The following WDR27 variants were observed in gnomAD, a reference collection of about 807,000 sequenced individuals.
WDR27 encodes the protein WD repeat domain 27.
WDR27 carries 100 observed loss-of-function variants against 114.4 expected under a neutral mutation model. The observed-to-expected ratio is 0.87, with a 90% CI of 0.74 to 1.03. The LOEUF (loss-of-function observed/expected upper bound fraction) is 1.03. Among genes scored for constraint, WDR27 ranks in the 50% least tolerant of loss-of-function variants. The probability of loss-of-function intolerance (pLI) is 0.00; values close to 1 mark genes in which losing one functional copy is unlikely to be tolerated. For missense variants in WDR27, 1,129 were observed against 1,092.9 expected (o/e 1.03, Z -0.47); for synonymous variants, 449 against 423.1 (o/e 1.06, Z -0.75).
In WDR27 at chr6:169,545,642, C is replaced by T. The variant is rs1004129289; in HGVS notation, c.2645+26777G>A. 2.6e-5 allele frequency among the ~76,000 whole-genome samples: 4 copies of T among 152,092 alleles called. No individual in the cohort carries two copies. The South Asian group carries it at 6.2e-4, about 24-fold the overall frequency. ...GCAGTGAGCTGAGATTGTGCCACTG[C>T]GCTCCAGCCTTGGTGACAGAGTGAG... On this transcript the variant is annotated intron_variant, in intron 25 of 25. Coordinates refer to ENST00000448612, the MANE Select transcript of WDR27 (RefSeq NM_182552.5).
At chr6:169,604,166 GAA>G (rs1439171730) in intron 22 of WDR27, among the ~76,000 whole-genome samples, 2 of 152,028 alleles carry the variant, frequency 1.3e-5, no homozygotes, top group Admixed American at 6.5e-5. Context: ...TCAACAAAAT[GAA>G]AAGTCAGTTA....
chr6:169,697,176 T>C (rs1038708904), intron 1 of WDR27, among the ~76,000 whole-genome samples: 2 of 152,170 alleles, frequency 1.3e-5, no homozygotes, highest in Non-Finnish European at 2.9e-5. Context: ...AATATTATAA[T>C]AATACTCGCT....
At chr6:169,638,436 C>T (rs1392902757) in intron 18 of WDR27, 103 bp downstream of exon 18, 7 of 1,430,524 alleles carry the variant, frequency 4.9e-6, no homozygotes, top group African/African-American at 2.8e-5. Flanking sequence ...TCTTGGCTTA[C>T]GTCCCTTTCC....
Position 169,612,461 on chromosome 6 carries a change from A to T in WDR27, c.2321+1098T>A, listed in dbSNP as rs1490934450. 2.0e-5 allele frequency among the ~76,000 whole-genome samples: 3 copies of T among 151,174 alleles called. No individual in the cohort carries two copies. In the South Asian group the frequency reaches 6.3e-4, roughly 32 times the overall value. ...CAAACGAACAAACAAACAAACAAAA[A>T]ATTAGGTGGGCATGGTGGCACTTGC... On this transcript the variant is annotated intron_variant, in intron 22 of 25. Transcript: ENST00000448612.
At chr6:169,597,637 C>T (rs1807069762) in intron 23 of WDR27, among the ~76,000 whole-genome samples, 1 of 152,038 alleles carries the variant, frequency 6.6e-6, no homozygotes, top group Admixed American at 6.6e-5. Context: ...ATAGCCTCAG[C>T]CCTGAAATAT....
intron 25 of WDR27, among the ~76,000 whole-genome samples, chr6:169,501,654 T>TC (rs935012017): frequency 5.3e-5 from 8 of 152,366 alleles, no homozygotes; most frequent in African/African-American, 1.9e-4. Context: ...CTGCATGTTC[T>TC]CATTCGGTGA....
chr6:169,510,763 C>T (rs1047518514), intron 25 of WDR27, among the ~76,000 whole-genome samples: 1 of 151,914 alleles, frequency 6.6e-6, no homozygotes, highest in East Asian at 1.9e-4. Context: ...CACATGTATC[C>T]TAAAACTTAA....
chr6:169,570,904 C>A (rs1312789599), intron 25 of WDR27, among the ~76,000 whole-genome samples: 1 of 152,192 alleles, frequency 6.6e-6, no homozygotes, highest in Non-Finnish European at 1.5e-5. Context: ...TCTCCCGTGG[C>A]GGCCAGGAAG....
intron 21 of WDR27, among the ~76,000 whole-genome samples, chr6:169,625,556 G>C (rs538637199): frequency 6.6e-4 from 101 of 152,366 alleles, no homozygotes; most frequent in African/African-American, 2.0e-3. Context: ...CTGGGCTGAA[G>C]TGCCGGGGAC....
chr6:169,515,238 A>G (rs1257991967), intron 25 of WDR27, among the ~76,000 whole-genome samples: 1 of 152,122 alleles, frequency 6.6e-6, no homozygotes, highest in Non-Finnish European at 1.5e-5. Context: ...GTGTGCAGCA[A>G]AAGAAATGGA....
chr6:169,656,463 A>G (rs1361184573), intron 13 of WDR27, among the ~76,000 whole-genome samples: 1 of 151,816 alleles, frequency 6.6e-6, no homozygotes, highest in Admixed American at 6.6e-5. Flanking sequence ...ATTGTTAAGG[A>G]TGAATGGTAG....
chr6:169,489,646 C>T (rs1789471092), intron 25 of WDR27, among the ~76,000 whole-genome samples: 2 of 152,222 alleles, frequency 1.3e-5, no homozygotes, highest in Non-Finnish European at 1.5e-5. Context: ...TTTACTCAGA[C>T]CTCGTGAGGA....
At chr6:169,610,679 G>A (rs1438385057) in intron 22 of WDR27, among the ~76,000 whole-genome samples, 1 of 152,084 alleles carries the variant, frequency 6.6e-6, no homozygotes, top group African/African-American at 2.4e-5. Flanking sequence ...AGAAAATGTG[G>A]TATATAGACA....
At chr6:169,672,471 C>T in intron 2 of WDR27, 75 bp from the exon 3 acceptor site, 2 of 1,372,686 alleles carry the variant, frequency 1.5e-6, no homozygotes, top group South Asian at 3.1e-5. Context: ...AACTTCAAAC[C>T]TAAGAAATTA....
chr6:169,648,807 G>T (rs1821476610), intron 15 of WDR27, among the ~76,000 whole-genome samples: 1 of 152,262 alleles, frequency 6.6e-6, no homozygotes, highest in South Asian at 2.1e-4. Flanking sequence ...TGTGGAGCCA[G>T]TCCCGTGGAC....
At chr6:169,569,445 T>G (rs1801014796) in intron 25 of WDR27, among the ~76,000 whole-genome samples, 1 of 152,220 alleles carries the variant, frequency 6.6e-6, no homozygotes, top group Admixed American at 6.5e-5. Flanking sequence ...TTAAAATTGT[T>G]AAGCTTCATT....
At chr6:169,567,787 C>T (rs966142622) in intron 25 of WDR27, among the ~76,000 whole-genome samples, 4 of 152,124 alleles carry the variant, frequency 2.6e-5, no homozygotes, top group Admixed American at 6.6e-5. Flanking sequence ...TTAGGATGCT[C>T]CCAGGACCTG....
In WDR27 at chr6:169,602,746, T is replaced by G. The variant is rs893871469; in HGVS notation, c.2322-425A>C. ...TATTTAAAAAGTGCCATATAAAATT[T>G]GTTTATTGTAAAAAAATGCCAAGAA... On this transcript the variant is annotated intron_variant, in intron 22 of 25. Transcript: ENST00000448612. Among the ~76,000 whole-genome samples, 12 of 152,306 alleles carry G rather than the reference T, an allele frequency of 7.9e-5. No individual in the cohort carries two copies. In the East Asian group the frequency reaches 2.3e-3, roughly 29 times the overall value.
intron 25 of WDR27, among the ~76,000 whole-genome samples, chr6:169,532,279 A>G (rs1795694056): frequency 6.6e-6 from 1 of 152,152 alleles, no homozygotes; most frequent in Non-Finnish European, 1.5e-5. Flanking sequence ...AGTCACTGAG[A>G]ATGAGTACAA....
Sources: allele counts gnomAD v4.1 joint callset (sites outside exome capture counted in the v4.1 genomes callset), GRCh38; gene constraint gnomAD v4.1.1; transcripts MANE v1.5; gene names NCBI Gene and HGNC (gene_info 2026-07-23, HGNC 2026-07-21).